Variants in ADAMTSL3 observed in about 807,000 individuals in gnomAD.
ADAMTSL3 encodes ADAMTS-like protein 3.
A neutral mutation model predicts 201.7 loss-of-function variants in ADAMTSL3; 128 were observed. The ratio of observed to expected loss-of-function variants is 0.63; its 90% CI spans 0.55 to 0.73. ADAMTSL3 has a LOEUF of 0.73. Among genes scored for constraint, ADAMTSL3 ranks in the 30% least tolerant of loss-of-function variants. The probability of loss-of-function intolerance (pLI) is 0.00; values close to 1 mark genes in which losing one functional copy is unlikely to be tolerated. For missense variants in ADAMTSL3, 1,990 were observed against 2,119.6 expected (o/e 0.94, Z 1.20); for synonymous variants, 738 against 748.4 (o/e 0.99, Z 0.23).
intron 15 of ADAMTSL3, among the ~76,000 whole-genome samples, chr15:83,907,097 GAAAAAAA>G (rs765994439): frequency 1.3e-5 from 1 of 74,244 alleles, no homozygotes; most frequent in Non-Finnish European, 2.4e-5. Context: ...CTGTCTCTGG[GAAAAAAA>G]AAAAAAAAAA....
intron 3 of ADAMTSL3, among the ~76,000 whole-genome samples, chr15:83,754,871 G>A (rs1272116558): frequency 6.6e-6 from 1 of 152,202 alleles, no homozygotes; most frequent in East Asian, 1.9e-4. Context: ...AAGGTGAGGA[G>A]ATTGGCGTTA....
intron 23 of ADAMTSL3, 84 bp downstream of exon 23, chr15:83,991,298 C>A (rs758624673): frequency 8.8e-6 from 14 of 1,588,416 alleles, no homozygotes; most frequent in African/African-American, 2.7e-5. Context: ...CACCAGCTGG[C>A]ATTTTGGTAT....
intron 2 of ADAMTSL3, among the ~76,000 whole-genome samples, chr15:83,691,767 A>C (rs1318790433): frequency 1.3e-5 from 2 of 152,142 alleles, no homozygotes; most frequent in Non-Finnish European, 2.9e-5. Flanking sequence ...GGCGCCTGCC[A>C]CCATGCCCAG....
chr15:83,814,841 C>T (rs2063749072), intron 5 of ADAMTSL3, among the ~76,000 whole-genome samples: 1 of 152,146 alleles, frequency 6.6e-6, no homozygotes, highest in South Asian at 2.1e-4. Context: ...TGGTCCAGTC[C>T]TATTATATAA....
chr15:83,919,088 T>C (rs990677504), intron 16 of ADAMTSL3, among the ~76,000 whole-genome samples: 1 of 152,160 alleles, frequency 6.6e-6, no homozygotes, highest in African/African-American at 2.4e-5. Flanking sequence ...GTGAACATAA[T>C]GCTTTTAAGA....
chr15:84,000,986 G>C (rs2067782297), intron 23 of ADAMTSL3, among the ~76,000 whole-genome samples: 1 of 152,198 alleles, frequency 6.6e-6, no homozygotes, highest in Non-Finnish European at 1.5e-5. Context: ...CAGGGTAATG[G>C]TGTGAACCAA....
intron 20 of ADAMTSL3, among the ~76,000 whole-genome samples, chr15:83,972,227 C>T (rs768543630): frequency 7.9e-5 from 12 of 152,106 alleles, no homozygotes; most frequent in Non-Finnish European, 1.3e-4. Context: ...CTTTAGCCCA[C>T]GTTTTTAGCT....
In ADAMTSL3 at chr15:83,980,435, TC is replaced by T. The variant is rs140793885; in HGVS notation, c.2645-1836del. Among the ~76,000 whole-genome samples, 1,075 of 152,316 alleles carry T rather than the reference TC, an allele frequency of 7.1e-3. 10 individuals carry two copies. The highest frequency in any genetic ancestry group is 0.011 in the Non-Finnish European group (763 of 68,024). On this transcript the variant is annotated intron_variant, in intron 20 of 29. Transcript: ENST00000286744. ...TGACTATAAATTTACCAGGGAGTCT[TC>T]CATACATGTTTTTCAGCTTTTGATT...
chr15:83,700,755 C>T (rs1285179857), intron 2 of ADAMTSL3, among the ~76,000 whole-genome samples: 1 of 152,016 alleles, frequency 6.6e-6, no homozygotes, highest in Non-Finnish European at 1.5e-5. Flanking sequence ...CAGAGCAAGA[C>T]TCCGTCTAAA....
intron 15 of ADAMTSL3, among the ~76,000 whole-genome samples, chr15:83,906,266 T>TC (rs970401666): frequency 2.6e-5 from 4 of 152,056 alleles, no homozygotes; most frequent in African/African-American, 9.7e-5. Flanking sequence ...GTTTCCAACT[T>TC]CCCCCCCAAA....
chr15:83,808,003 C>A (rs988733396), intron 5 of ADAMTSL3, among the ~76,000 whole-genome samples: 3 of 152,100 alleles, frequency 2.0e-5, no homozygotes, highest in African/African-American at 7.2e-5. Flanking sequence ...GAAGTAAAGA[C>A]TTAAATGTAA....
At chr15:83,788,106 T>C (rs1308292411) in intron 4 of ADAMTSL3, among the ~76,000 whole-genome samples, 4 of 152,214 alleles carry the variant, frequency 2.6e-5, no homozygotes, top group African/African-American at 7.2e-5. Context: ...ATAATTACCT[T>C]GCTTTTTTAT....
chr15:83,979,834 A>T (rs77382766), intron 20 of ADAMTSL3, among the ~76,000 whole-genome samples: 5 of 152,198 alleles, frequency 3.3e-5, no homozygotes, highest in African/African-American at 1.2e-4. Flanking sequence ...CTTCCTGTCA[A>T]ATTGTCTTTC....
intron 20 of ADAMTSL3, among the ~76,000 whole-genome samples, chr15:83,980,843 G>A (rs964073347): frequency 2.6e-5 from 4 of 152,188 alleles, no homozygotes; most frequent in Non-Finnish European, 4.4e-5. Flanking sequence ...CTCATGAGGC[G>A]TGCAAGAGGA....
chr15:83,842,196 T>C (rs962581535), intron 7 of ADAMTSL3, among the ~76,000 whole-genome samples: 3 of 150,938 alleles, frequency 2.0e-5, no homozygotes, highest in African/African-American at 7.3e-5. Context: ...TATTGAATGG[T>C]GGAGGTAGCT....
chr15:83,675,422 A>G (rs191935999), intron 2 of ADAMTSL3, among the ~76,000 whole-genome samples: 29 of 152,132 alleles, frequency 1.9e-4, no homozygotes, highest in African/African-American at 6.7e-4. Flanking sequence ...GATTTGATGT[A>G]TTACATTGAT....
At chr15:83,867,082 C>T (rs969366730) in intron 8 of ADAMTSL3, among the ~76,000 whole-genome samples, 1 of 152,156 alleles carries the variant, frequency 6.6e-6, no homozygotes, top group Non-Finnish European at 1.5e-5. Flanking sequence ...TGGATTTATG[C>T]AACTTTTTTC....
At chr15:84,026,873 C>T (rs1596552412) in intron 27 of ADAMTSL3, among the ~76,000 whole-genome samples, 1 of 152,092 alleles carries the variant, frequency 6.6e-6, no homozygotes, top group African/African-American at 2.4e-5. Context: ...GAAATGGCTT[C>T]TTAGATATAA....
At chr15:84,028,554 A>T (rs1397278534) in intron 27 of ADAMTSL3, among the ~76,000 whole-genome samples, 1 of 152,326 alleles carries the variant, frequency 6.6e-6, no homozygotes, top group South Asian at 2.1e-4. Flanking sequence ...CTTAGCACAC[A>T]AGTCTTCATT....
Sources: gnomAD v4.1 joint callset for allele counts (sites outside exome capture counted in the v4.1 genomes callset) on GRCh38, gnomAD v4.1.1 for gene constraint, MANE v1.5 for transcripts, NCBI Gene and HGNC (gene_info 2026-07-23, HGNC 2026-07-21) for gene names.